RAB6B: variants seen among roughly 807,000 people sequenced by gnomAD.
The protein encoded by RAB6B is ras-related protein Rab-6B.
A neutral mutation model predicts 31.2 loss-of-function variants in RAB6B; 7 were observed. The observed-to-expected ratio is 0.22, with a 90% CI of 0.13 to 0.42. The LOEUF is 0.42. Among genes scored for constraint, RAB6B ranks in the 10% least tolerant of loss-of-function variants. The pLI, the probability that RAB6B is intolerant of heterozygous loss-of-function variation, is 1.00. For missense variants in RAB6B, 149 were observed against 280.6 expected, an observed-to-expected ratio of 0.53 and a Z score of 3.35; for synonymous variants, 105 against 104.9, an observed-to-expected ratio of 1.00 and a Z score of -0.01.
chr3:133,884,529 G>A (rs1307346016), intron 1 of RAB6B, among the ~76,000 whole-genome samples: 1 of 152,230 alleles, frequency 6.6e-6, no homozygotes, highest in South Asian at 2.1e-4. Context: ...AGCTTGCTGG[G>A]GTGATGGAAC....
At chr3:133,859,127 T>TGCCA (rs1487514191) in intron 2 of RAB6B, among the ~76,000 whole-genome samples, 1 of 152,168 alleles carries the variant, frequency 6.6e-6, no homozygotes, top group Non-Finnish European at 1.5e-5. Flanking sequence ...CACAGGCTCA[T>TGCCA]GCCACTATAT....
At chr3:133,887,848 A>G (rs564587286) in intron 1 of RAB6B, among the ~76,000 whole-genome samples, 1 of 152,286 alleles carries the variant, frequency 6.6e-6, no homozygotes, top group Non-Finnish European at 1.5e-5. Context: ...AGCTAGAACC[A>G]TGGCAGTGGG....
chr3:133,857,843 A>G (rs1936104023), intron 2 of RAB6B, among the ~76,000 whole-genome samples: 1 of 152,146 alleles, frequency 6.6e-6, no homozygotes, highest in Non-Finnish European at 1.5e-5. Flanking sequence ...TTCTCTATGT[A>G]ACCCACAGAC....
chr3:133,856,280 G>A (rs1019652996), intron 2 of RAB6B, among the ~76,000 whole-genome samples: 1 of 152,090 alleles, frequency 6.6e-6, no homozygotes, highest in African/African-American at 2.4e-5. Context: ...AAGAAAGGAT[G>A]TTAGAGCCTG....
chr3:133,856,810 C>G (rs889681213), intron 2 of RAB6B, among the ~76,000 whole-genome samples: 5 of 152,192 alleles, frequency 3.3e-5, no homozygotes, highest in Non-Finnish European at 5.9e-5. Flanking sequence ...GGATGACTTG[C>G]AGTGCCCCAG....
At chr3:133,873,930 C>A (rs9852801) in intron 1 of RAB6B, among the ~76,000 whole-genome samples, 62,337 of 152,000 alleles carry the variant, frequency 0.41, 12,777 homozygotes, top group Middle Eastern at 0.44. Flanking sequence ...AATGTTATTA[C>A]AATCATAGGG....
intron 7 of RAB6B, among the ~76,000 whole-genome samples, chr3:133,833,651 C>T (rs1162401346): frequency 1.3e-5 from 2 of 152,212 alleles, no homozygotes; most frequent in Admixed American, 6.5e-5. Flanking sequence ...GCCCTTCCAT[C>T]TTCCCAGGGC....
chr3:133,846,049 G>A (rs1161250551), intron 2 of RAB6B, among the ~76,000 whole-genome samples: 3 of 152,140 alleles, frequency 2.0e-5, no homozygotes, highest in Non-Finnish European at 2.9e-5. Flanking sequence ...CTGAAGACAG[G>A]CCAAAATAAA....
chr3:133,852,906 G>C (rs371344214), intron 2 of RAB6B, among the ~76,000 whole-genome samples: 23 of 152,256 alleles, frequency 1.5e-4, no homozygotes, highest in African/African-American at 4.8e-4. Context: ...GCCATGCATG[G>C]TATTTCCTTT....
intron 2 of RAB6B, among the ~76,000 whole-genome samples, chr3:133,861,241 C>T (rs1304517267): frequency 6.6e-6 from 1 of 152,234 alleles, no homozygotes; most frequent in African/African-American, 2.4e-5. Context: ...AGAACCACTG[C>T]AGACATGAAT....
chr3:133,841,520 G>T, intron 3 of RAB6B, 90 bp downstream of exon 3: 2 of 1,542,578 alleles, frequency 1.3e-6, no homozygotes, highest in South Asian at 1.1e-5. Flanking sequence ...GTGTCGGCAG[G>T]TGCTCTCAGT....
Position 133,827,967 on chromosome 3 carries a change from C to T in RAB6B, c.*821G>A, listed in dbSNP as rs1200228212. The T allele has an allele frequency of 1.4e-6, 1 of 703,030 alleles. No individual in the cohort carries two copies. The highest frequency in any genetic ancestry group is 1.5e-5 in the South Asian group (1 of 67,602). 43.5% of individuals were successfully genotyped at this position (703,030 alleles called of 1,614,324 possible). On this transcript the variant is annotated 3_prime_UTR_variant, in exon 8 of 8. Coordinates refer to ENST00000285208, the MANE Select transcript of RAB6B (RefSeq NM_016577.4). ...AGTCTATAAACCACGCACCACGCAGCTGCAATTGCCAACAGCACCTCGTCC... is the reference window on the plus strand; with the variant it reads ...AGTCTATAAACCACGCACCACGCAGTTGCAATTGCCAACAGCACCTCGTCC...
intron 1 of RAB6B, among the ~76,000 whole-genome samples, chr3:133,876,371 C>A (rs928599701): frequency 1.3e-5 from 2 of 152,176 alleles, no homozygotes; most frequent in African/African-American, 4.8e-5. Context: ...GATCTCTGAC[C>A]CTCCCAAGGA....
intron 2 of RAB6B, among the ~76,000 whole-genome samples, chr3:133,855,541 A>G (rs958949642): frequency 5.9e-5 from 9 of 152,254 alleles, no homozygotes; most frequent in African/African-American, 2.2e-4. Flanking sequence ...TCCCTTCAAA[A>G]GCTACCCATA....
At chr3:133,875,885 C>T (rs1936388081) in intron 1 of RAB6B, among the ~76,000 whole-genome samples, 1 of 152,178 alleles carries the variant, frequency 6.6e-6, no homozygotes, top group Admixed American at 6.5e-5. Flanking sequence ...CAAAATCAGG[C>T]AGAGGAGAAC....
At chr3:133,838,027 CGCATCTATGGGTGTTCTGGTTGGCT>C in intron 6 of RAB6B, 114 bp downstream of exon 6, 1 of 838,166 alleles carries the variant, frequency 1.2e-6, no homozygotes, top group Non-Finnish European at 1.9e-6. Context: ...CCTCCCTGGG[CGCATCTATGGGTGTTCTGGTTGGCT>C]GCCCCAATCC....
chr3:133,869,249 G>C (rs774992053), intron 1 of RAB6B, among the ~76,000 whole-genome samples: 46 of 152,244 alleles, frequency 3.0e-4, no homozygotes, highest in Non-Finnish European at 7.3e-5. Flanking sequence ...CCCTCAGACT[G>C]AGGTTCATCT....
chr3:133,853,426 AAG>A (rs1936029696), intron 2 of RAB6B, among the ~76,000 whole-genome samples: 1 of 151,790 alleles, frequency 6.6e-6, no homozygotes, highest in Non-Finnish European at 1.5e-5. Context: ...AGCTGAGGTG[AAG>A]AGGACGCTCC....
chr3:133,892,207 G>T (rs116686527), intron 1 of RAB6B, among the ~76,000 whole-genome samples: 1 of 152,012 alleles, frequency 6.6e-6, no homozygotes, highest in African/African-American at 2.4e-5. Flanking sequence ...CAGCACAGGG[G>T]CATACCCAAT....
Sources: gnomAD v4.1 joint callset for allele counts (sites outside exome capture counted in the v4.1 genomes callset) on GRCh38, gnomAD v4.1.1 for gene constraint, MANE v1.5 for transcripts, NCBI Gene and HGNC (gene_info 2026-07-23, HGNC 2026-07-21) for gene names.